MIPOL1: variants seen among roughly 807,000 people sequenced by gnomAD.
The protein encoded by MIPOL1 is mirror-image polydactyly 1.
Under a neutral mutation model 60.9 loss-of-function variants are expected in MIPOL1, and 57 were observed. That is an observed-to-expected ratio of 0.94 (90% CI 0.76 to 1.17). The LOEUF is 1.17. Among genes scored for constraint, MIPOL1 ranks in the 50% most tolerant of loss-of-function variants. MIPOL1 has a pLI of 0.00. For missense variants in MIPOL1, 551 were observed against 511.6 expected, an observed-to-expected ratio of 1.08 and a Z score of -0.74; for synonymous variants, 179 against 168.8, an observed-to-expected ratio of 1.06 and a Z score of -0.47.
intron 3 of MIPOL1, among the ~76,000 whole-genome samples, chr14:37,259,031 G>A (rs936689741): frequency 1.3e-5 from 2 of 152,036 alleles, no homozygotes; most frequent in African/African-American, 4.8e-5. Flanking sequence ...TTTTTGGCAT[G>A]TGTGTTTATC....
At chr14:37,496,151 C>T (rs1469397012) in intron 11 of MIPOL1, among the ~76,000 whole-genome samples, 1 of 151,630 alleles carries the variant, frequency 6.6e-6, no homozygotes, top group East Asian at 1.9e-4. Flanking sequence ...GGACGTATTT[C>T]AAAATAATAA....
intron 3 of MIPOL1, among the ~76,000 whole-genome samples, chr14:37,266,517 A>G (rs1032805021): frequency 1.3e-5 from 2 of 152,192 alleles, no homozygotes; most frequent in African/African-American, 2.4e-5. Context: ...AAGTAACTCA[A>G]ATGAAAAGCA....
At chr14:37,362,945 G>A (rs2092329638) in intron 9 of MIPOL1, among the ~76,000 whole-genome samples, 4 of 152,122 alleles carry the variant, frequency 2.6e-5, no homozygotes, top group African/African-American at 7.2e-5. Context: ...TTGTGCCATG[G>A]TTTTCAGCTC....
At chr14:37,453,742 G>A (rs1416633392) in intron 11 of MIPOL1, among the ~76,000 whole-genome samples, 1 of 152,144 alleles carries the variant, frequency 6.6e-6, no homozygotes, top group South Asian at 2.1e-4. Context: ...ATTAGCCAAA[G>A]TAACATGGTT....
chr14:37,446,608 T>G (rs531944575), intron 11 of MIPOL1, among the ~76,000 whole-genome samples: 57 of 152,236 alleles, frequency 3.7e-4, no homozygotes, highest in Non-Finnish European at 6.8e-4. Flanking sequence ...CATTCCAGTA[T>G]AAAGACACAT....
At chr14:37,394,057 C>T (rs1179189095) in intron 10 of MIPOL1, among the ~76,000 whole-genome samples, 8 of 73,298 alleles carry the variant, frequency 1.1e-4, no homozygotes, top group African/African-American at 1.9e-4. Flanking sequence ...TTAGTAGTGG[C>T]ATATATATAT....
At chr14:37,271,591 G>A (rs879732166) in intron 6 of MIPOL1, among the ~76,000 whole-genome samples, 33 of 151,692 alleles carry the variant, frequency 2.2e-4, no homozygotes, top group Admixed American at 1.2e-3. Context: ...TTAAACTACC[G>A]TAATGTTTTT....
chr14:37,252,160 G>A (rs376934440), intron 3 of MIPOL1, among the ~76,000 whole-genome samples: 11 of 151,018 alleles, frequency 7.3e-5, no homozygotes, highest in East Asian at 3.9e-4. Context: ...TTATTTGGGG[G>A]GATCATCATA....
At chr14:37,234,454 G>A (rs1322059386) in intron 1 of MIPOL1, among the ~76,000 whole-genome samples, 5 of 150,040 alleles carry the variant, frequency 3.3e-5, no homozygotes, top group East Asian at 2.0e-4. Flanking sequence ...GCATCTCAAC[G>A]TGCTGGTATT....
Position 37,197,973 on chromosome 14 carries a change from T to C in MIPOL1, c.-330T>C, listed in dbSNP as rs368599865. ...GCCGCCCCGCTCCTCCGCCGGATCGTCTGTGGGTGAGTCTCGAGCCAGGAG... is the reference window on the plus strand; with the variant it reads ...GCCGCCCCGCTCCTCCGCCGGATCGCCTGTGGGTGAGTCTCGAGCCAGGAG... On this transcript the variant is annotated 5_prime_UTR_variant, in exon 1 of 13. Transcript: ENST00000684589. The C allele has an allele frequency of 5.3e-5, 8 of 151,924 alleles. No individual in the cohort carries two copies. Among genetic ancestry groups the C allele is most frequent in the Non-Finnish European group, 1.2e-4 (8 of 68,072 alleles). The allele number at this position is 151,924 out of a possible 1,614,324, so 9.4% of individuals were successfully genotyped here.
intron 11 of MIPOL1, among the ~76,000 whole-genome samples, chr14:37,473,407 G>C (rs545075434): frequency 6.6e-6 from 1 of 151,800 alleles, no homozygotes; most frequent in Admixed American, 6.6e-5. Context: ...TTATTTTATA[G>C]CAACACAAAG....
intron 1 of MIPOL1, among the ~76,000 whole-genome samples, chr14:37,228,303 A>G (rs1970064134): frequency 6.7e-6 from 1 of 149,084 alleles, no homozygotes; most frequent in African/African-American, 2.5e-5. Flanking sequence ...TTGGTTCCTC[A>G]GGTCAATGAT....
intron 12 of MIPOL1, among the ~76,000 whole-genome samples, chr14:37,541,201 C>G (rs1226706291): frequency 6.6e-6 from 1 of 152,208 alleles, no homozygotes; most frequent in Non-Finnish European, 1.5e-5. Context: ...TGACAGAGAT[C>G]ACAGTCTTAT....
chr14:37,435,694 T>C (rs1351286943), intron 11 of MIPOL1, among the ~76,000 whole-genome samples: 5 of 152,200 alleles, frequency 3.3e-5, no homozygotes, highest in South Asian at 4.1e-4. Flanking sequence ...AGCAGTCAGA[T>C]TTCTTATATC....
At chr14:37,338,106 T>TG (rs1555399430) in intron 9 of MIPOL1, among the ~76,000 whole-genome samples, 7 of 107,074 alleles carry the variant, frequency 6.5e-5, no homozygotes, top group Admixed American at 2.7e-4. Context: ...TTATTTAATT[T>TG]AATTTTTTTT....
chr14:37,388,583 A>G (rs1009059819), intron 10 of MIPOL1, among the ~76,000 whole-genome samples: 3 of 151,108 alleles, frequency 2.0e-5, no homozygotes. Context: ...ATATATGTCC[A>G]CCGTAATGAA....
intron 11 of MIPOL1, among the ~76,000 whole-genome samples, chr14:37,433,907 T>TA (rs1350760253): frequency 6.6e-6 from 1 of 152,196 alleles, no homozygotes. Flanking sequence ...GTATATGTGC[T>TA]ACATTTTCTT....
intron 10 of MIPOL1, among the ~76,000 whole-genome samples, chr14:37,417,806 A>G (rs908615111): frequency 6.6e-5 from 10 of 152,188 alleles, no homozygotes; most frequent in African/African-American, 2.2e-4. Flanking sequence ...TAAAATAACT[A>G]TCACACATAT....
chr14:37,533,182 T>A (rs966466415), intron 12 of MIPOL1, among the ~76,000 whole-genome samples: 4 of 152,108 alleles, frequency 2.6e-5, no homozygotes, highest in Non-Finnish European at 5.9e-5. Flanking sequence ...TCACTCTTAT[T>A]TATGTAAAAA....
Sources: gnomAD v4.1 joint callset for allele counts (sites outside exome capture counted in the v4.1 genomes callset) on GRCh38, gnomAD v4.1.1 for gene constraint, MANE v1.5 for transcripts, NCBI Gene and HGNC (gene_info 2026-07-23, HGNC 2026-07-21) for gene names.